SLC24A2: variants seen among roughly 807,000 people sequenced by gnomAD.
SLC24A2 encodes sodium/potassium/calcium exchanger 2.
A neutral mutation model predicts 62.0 loss-of-function variants in SLC24A2; 36 were observed. The ratio of observed to expected loss-of-function variants is 0.58; its 90% CI spans 0.44 to 0.77. The LOEUF (loss-of-function observed/expected upper bound fraction) is 0.77, where lower values mean the gene tolerates loss of function less well. Ranked by LOEUF, SLC24A2 falls within the 30% of genes least tolerant of loss-of-function variation. The probability of loss-of-function intolerance (pLI) is 0.00; values close to 1 mark genes in which losing one functional copy is unlikely to be tolerated. For missense variants in SLC24A2, 846 were observed against 817.9 expected (o/e 1.03, Z -0.42); for synonymous variants, 358 against 294.0 (o/e 1.22, Z -2.23).
intron 2 of SLC24A2, among the ~76,000 whole-genome samples, chr9:19,751,860 A>G (rs1821995820): frequency 6.6e-6 from 1 of 152,186 alleles, no homozygotes; most frequent in East Asian, 1.9e-4. Context: ...GCACTTTACC[A>G]AGAGATAGAA....
At chr9:19,904,017 C>T in the SLC24A2 span, among the ~76,000 whole-genome samples, 1 of 152,202 alleles carries the variant, frequency 6.6e-6, no homozygotes, top group African/African-American at 2.4e-5. Flanking sequence ...ATCACCTCAG[C>T]AGGTCTAATG....
At chr9:19,898,566 C>T in the SLC24A2 span, among the ~76,000 whole-genome samples, 1 of 152,000 alleles carries the variant, frequency 6.6e-6, no homozygotes, top group African/African-American at 2.4e-5. Context: ...CATGGAGAAA[C>T]TCCATCTCTA....
intron 5 of SLC24A2, 103 bp from the exon 6 acceptor site, chr9:19,577,125 T>C (rs918757227): frequency 1.5e-5 from 13 of 876,514 alleles, no homozygotes; most frequent in African/African-American, 4.9e-5. Flanking sequence ...ACTAATAGCG[T>C]GACCACTCCA....
chr9:19,936,232 C>T, the SLC24A2 span, among the ~76,000 whole-genome samples: 10 of 152,126 alleles, frequency 6.6e-5, no homozygotes, highest in African/African-American at 2.4e-4. Flanking sequence ...GACTTGCTGA[C>T]CTCATTCTTC....
chr9:19,566,784 A>G (rs975188097), intron 7 of SLC24A2, among the ~76,000 whole-genome samples: 1 of 152,242 alleles, frequency 6.6e-6, no homozygotes, highest in Non-Finnish European at 1.5e-5. Flanking sequence ...GCAGCCATAA[A>G]AAAGGATGAG....
the SLC24A2 span, chr9:19,957,883 C>A: frequency 1.3e-5 from 2 of 153,508 alleles, no homozygotes; most frequent in South Asian, 4.1e-4. Context: ...GTGGGAGGAA[C>A]TTCGTGGGGT....
intron 4 of SLC24A2, among the ~76,000 whole-genome samples, chr9:19,616,001 C>T (rs1817758764): frequency 2.1e-5 from 2 of 95,350 alleles, no homozygotes; most frequent in Non-Finnish European, 4.3e-5. Context: ...CGTGCACACA[C>T]ACACACACAC....
intron 2 of SLC24A2, among the ~76,000 whole-genome samples, chr9:19,762,700 T>G (rs1822374337): frequency 6.6e-6 from 1 of 152,154 alleles, no homozygotes; most frequent in Non-Finnish European, 1.5e-5. Context: ...CAAGCTGTTT[T>G]GGTTACTGTG....
chr9:20,039,595 C>A, the SLC24A2 span, among the ~76,000 whole-genome samples: 1 of 151,994 alleles, frequency 6.6e-6, no homozygotes, highest in East Asian at 1.9e-4. Context: ...GTCCCCAGTT[C>A]CTGGGCTTAG....
At chr9:19,522,070 A>T (rs1833232627) in intron 9 of SLC24A2, among the ~76,000 whole-genome samples, 1 of 152,094 alleles carries the variant, frequency 6.6e-6, no homozygotes, top group Non-Finnish European at 1.5e-5. Context: ...GTGCAGTGGC[A>T]CAGCCACAGC....
the SLC24A2 span, among the ~76,000 whole-genome samples, chr9:20,116,142 A>G: frequency 1.3e-5 from 2 of 152,302 alleles, no homozygotes; most frequent in Admixed American, 6.5e-5. Context: ...AAGAAACTTA[A>G]TAATAGACTC....
the SLC24A2 span, among the ~76,000 whole-genome samples, chr9:20,238,779 C>A: frequency 6.6e-6 from 1 of 152,168 alleles, no homozygotes; most frequent in African/African-American, 2.4e-5. Context: ...TAACCCCCAG[C>A]ATGACTATAT....
chr9:19,765,255 G>T (rs910482020), intron 2 of SLC24A2, among the ~76,000 whole-genome samples: 1 of 151,972 alleles, frequency 6.6e-6, no homozygotes, highest in Non-Finnish European at 1.5e-5. Context: ...TATCCAATTT[G>T]CCAGTCTGTG....
the SLC24A2 span, among the ~76,000 whole-genome samples, chr9:20,222,667 T>G: frequency 2.0e-5 from 3 of 152,064 alleles, no homozygotes; most frequent in Non-Finnish European, 2.9e-5. Flanking sequence ...AATATAAGAA[T>G]AGTTCAATAG....
chr9:19,681,440 T>G (rs1310343499), intron 2 of SLC24A2, among the ~76,000 whole-genome samples: 1 of 152,142 alleles, frequency 6.6e-6, no homozygotes, highest in Non-Finnish European at 1.5e-5. Context: ...CTATCTCATT[T>G]ACTTATTTTG....
intron 9 of SLC24A2, among the ~76,000 whole-genome samples, chr9:19,521,756 C>G (rs569943276): frequency 7.9e-5 from 12 of 152,264 alleles, no homozygotes; most frequent in Non-Finnish European, 1.3e-4. Context: ...GATAATAATA[C>G]CTACCTTACC....
chr9:19,843,815 G>A, the SLC24A2 span, among the ~76,000 whole-genome samples: 20 of 152,222 alleles, frequency 1.3e-4, no homozygotes, highest in South Asian at 3.5e-3. Flanking sequence ...TTAGGATAAT[G>A]GCCTCCAGCT....
the SLC24A2 span, among the ~76,000 whole-genome samples, chr9:20,181,423 G>A: frequency 6.6e-6 from 1 of 152,100 alleles, no homozygotes; most frequent in Non-Finnish European, 1.5e-5. Context: ...GCATGGTACT[G>A]GTACCAAAAC....
At chr9:19,679,611 T>C (rs190490618) in intron 2 of SLC24A2, among the ~76,000 whole-genome samples, 164 of 152,232 alleles carry the variant, frequency 1.1e-3, no homozygotes, top group African/African-American at 3.7e-3. Context: ...AGGGCCCAAA[T>C]GGAATAAAAA....
Sources: allele counts gnomAD v4.1 joint callset (sites outside exome capture counted in the v4.1 genomes callset), GRCh38; gene constraint gnomAD v4.1.1; transcripts MANE v1.5; gene names NCBI Gene and HGNC (gene_info 2026-07-23, HGNC 2026-07-21).